Variants in CBLC observed in about 807,000 individuals in gnomAD.
CBLC encodes Cbl proto-oncogene C, also known as E3 ubiquitin-protein ligase CBL-C.
A neutral mutation model predicts 58.6 loss-of-function variants in CBLC; 46 were observed. The ratio of observed to expected loss-of-function variants is 0.79; its 90% CI spans 0.62 to 1.00. CBLC has a LOEUF of 1.00. CBLC is among the 50% of genes least tolerant of loss of function. The pLI, the probability that CBLC is intolerant of heterozygous loss-of-function variation, is 0.00. For missense variants in CBLC, 655 were observed against 625.8 expected, an observed-to-expected ratio of 1.05 and a Z score of -0.50; for synonymous variants, 271 against 264.2, an observed-to-expected ratio of 1.03 and a Z score of -0.25.
chr19:44,786,680 A>T (rs1022832187), intron 5 of CBLC, among the ~76,000 whole-genome samples: 1 of 152,232 alleles, frequency 6.6e-6, no homozygotes, highest in Non-Finnish European at 1.5e-5. Flanking sequence ...ACTCACAACC[A>T]ACAGCAGTAT....
chr19:44,794,347 C>T (rs1968135173), intron 9 of CBLC, 66 bp downstream of exon 9: 23 of 1,490,880 alleles, frequency 1.5e-5, no homozygotes, highest in Non-Finnish European at 2.0e-5. Context: ...CCCTGGTTCA[C>T]CTGTGCACTC....
intron 1 of CBLC, among the ~76,000 whole-genome samples, chr19:44,779,430 G>A (rs1322385517): frequency 6.6e-6 from 1 of 152,174 alleles, no homozygotes; most frequent in Admixed American, 6.5e-5. Flanking sequence ...CCCCTCTGCT[G>A]TTCTGCACTG....
At chr19:44,792,349 C>G (rs760464842) in intron 6 of CBLC, 34 bp from the exon 7 acceptor site, 2 of 1,610,622 alleles carry the variant, frequency 1.2e-6, no homozygotes, top group South Asian at 1.1e-5. Flanking sequence ...TGACGCATGC[C>G]CCTCGCTGTC....
chr19:44,782,640 C>A, intron 4 of CBLC, 149 bp downstream of exon 4: 1 of 631,506 alleles, frequency 1.6e-6, no homozygotes, highest in Admixed American at 2.9e-5. Flanking sequence ...AGGCAGGACA[C>A]TGAGTGCCCC....
At chr19:44,784,993 A>G (rs1967859895) in intron 5 of CBLC, among the ~76,000 whole-genome samples, 1 of 51,336 alleles carries the variant, frequency 1.9e-5, no homozygotes, top group Admixed American at 3.4e-4. Flanking sequence ...TTTTTTTGAG[A>G]CAGAGTCTTG....
chr19:44,786,638 T>C (rs765478887), intron 5 of CBLC, among the ~76,000 whole-genome samples: 1 of 151,966 alleles, frequency 6.6e-6, no homozygotes, highest in Non-Finnish European at 1.5e-5. Flanking sequence ...TGACACTTTA[T>C]TCAGTACCTA....
intron 7 of CBLC, 77 bp downstream of exon 7, chr19:44,792,591 C>A (rs994674849): frequency 1.4e-6 from 2 of 1,382,564 alleles, no homozygotes; most frequent in African/African-American, 1.5e-5. Flanking sequence ...GATCTCCATG[C>A]CTCATTGATC....
chr19:44,781,571 C>T (rs1348746815), intron 3 of CBLC, among the ~76,000 whole-genome samples: 2 of 121,454 alleles, frequency 1.6e-5, no homozygotes, highest in African/African-American at 6.6e-5. Context: ...GGCTGGGGGC[C>T]TGGACTCCTG....
chr19:44,794,116 T>G, intron 8 of CBLC, 88 bp from the exon 9 acceptor site: 2 of 1,534,898 alleles, frequency 1.3e-6, no homozygotes, highest in Non-Finnish European at 1.7e-6. Flanking sequence ...GAACAGTGCC[T>G]GAATGCTGAG....
intron 6 of CBLC, among the ~76,000 whole-genome samples, chr19:44,791,343 AAT>A (rs1568562149): frequency 6.6e-6 from 1 of 151,922 alleles, no homozygotes; most frequent in African/African-American, 2.4e-5. Context: ...AAAATAATGA[AAT>A]TCAAATTTAG....
At chr19:44,789,264 G>C (rs1967986102) in intron 5 of CBLC, among the ~76,000 whole-genome samples, 1 of 152,182 alleles carries the variant, frequency 6.6e-6, no homozygotes, top group African/African-American at 2.4e-5. Context: ...GGAAGAAGTG[G>C]TACAGGTGCT....
intron 1 of CBLC, among the ~76,000 whole-genome samples, chr19:44,778,927 C>T (rs1967651972): frequency 6.6e-6 from 1 of 152,044 alleles, no homozygotes; most frequent in African/African-American, 2.4e-5. Flanking sequence ...GGCCCCAGCC[C>T]CTCCTTCCTA....
At chr19:44,784,516 G>C (rs1214244975) in intron 5 of CBLC, 115 bp downstream of exon 5, 2 of 1,057,716 alleles carry the variant, frequency 1.9e-6, no homozygotes, top group Non-Finnish European at 2.7e-6. Flanking sequence ...TCACATAGGG[G>C]ACATCTCAAA....
intron 4 of CBLC, among the ~76,000 whole-genome samples, chr19:44,782,994 G>A (rs559714209): frequency 6.6e-6 from 1 of 152,290 alleles, no homozygotes; most frequent in Non-Finnish European, 1.5e-5. Flanking sequence ...GCAGGGGTAG[G>A]ACGGTGAGTG....
Position 44,781,319 on chromosome 19 carries a change from C to T in CBLC, c.613C>T (p.His205Tyr), listed in dbSNP as rs755482665. 1 of 1,613,014 alleles carries T rather than the reference C, an allele frequency of 6.2e-7. No individual in the cohort carries two copies. The highest frequency in any genetic ancestry group is 1.7e-5 in the Admixed American group (1 of 60,024). The part of the protein sequence containing the change: ...RTTIDLTCSG[H>Y]VSIFEFDVFT... ...CACCATTGACCTCACCTGCAGCGGG[C>T]ACGTGTCCATCTTCGAGTTCGACGT... is the stretch of plus-strand genomic sequence containing the variant. Residue 205 changes from histidine (H) to tyrosine (Y), a missense_variant, in exon 3 of 11, where the codon CAC becomes TAC. This residue lies in a region of CBLC where 371 missense variants were observed against 370.8 expected (regional missense o/e 1.00). Transcript: ENST00000647358.
At position 44,780,961 on chromosome 19, in the gene CBLC, C is replaced by T. The variant is rs376312238; in HGVS notation, c.410C>T (p.Ala137Val). 2.2e-5 allele frequency: 36 copies of T among 1,613,412 alleles called. No individual in the cohort carries two copies. The highest frequency in any genetic ancestry group is 2.5e-5 in the Non-Finnish European group (29 of 1,179,996). Residue 137 changes from alanine (A) to valine (V), a missense_variant, in exon 2 of 11, where the codon GCA becomes GTA. Physicochemically the swap from Ala to Val is moderately conservative, Grantham distance 64. This residue lies in a region of CBLC where 280 missense variants were observed against 237.2 expected (regional missense o/e 1.18). Transcript: ENST00000647358. ...IFSHMHAELH[A>V]LFPGGKYCGH... Reference sequence around the variant, plus strand: ...AGCCACATGCACGCAGAGCTGCACGCACTCTTCCCCGGGGGAAAGTACTGT... The same window carrying T: ...AGCCACATGCACGCAGAGCTGCACGTACTCTTCCCCGGGGGAAAGTACTGT...
chr19:44,788,831 T>C (rs1967975680), intron 5 of CBLC, among the ~76,000 whole-genome samples: 2 of 152,026 alleles, frequency 1.3e-5, no homozygotes, highest in South Asian at 2.1e-4. Flanking sequence ...CCATCACAAA[T>C]CTTTGCCTCA....
At chr19:44,800,175 C>A (rs529028344) in intron 9 of CBLC, among the ~76,000 whole-genome samples, 1 of 152,214 alleles carries the variant, frequency 6.6e-6, no homozygotes, top group Non-Finnish European at 1.5e-5. Context: ...TCTCCTCCCC[C>A]CAGGCACTTT....
intron 3 of CBLC, 107 bp downstream of exon 3, chr19:44,781,470 T>C: frequency 9.0e-7 from 1 of 1,116,398 alleles, no homozygotes; most frequent in Non-Finnish European, 1.3e-6. Flanking sequence ...CCTGGACTCC[T>C]GGATCTGAGG....
Sources: gnomAD v4.1 joint callset for allele counts (sites outside exome capture counted in the v4.1 genomes callset) on GRCh38, gnomAD v4.1.1 for gene constraint, gnomAD v4.1.1 regional missense constraint, MANE v1.5 for transcripts, NCBI Gene and HGNC (gene_info 2026-07-23, HGNC 2026-07-21) for gene names.